The following LRP1B variants were observed in gnomAD, a reference collection of about 807,000 sequenced individuals.
The protein encoded by LRP1B is LDL receptor related protein 1B, also known as low-density lipoprotein receptor-related protein 1B.
In LRP1B, 217 loss-of-function variants were observed where a neutral mutation model predicts 556.6. That is an observed-to-expected ratio of 0.39 (90% CI 0.35 to 0.44). LRP1B has a LOEUF of 0.44. Among genes scored for constraint, LRP1B ranks in the 20% least tolerant of loss-of-function variants. LRP1B has a pLI of 1.00. For synonymous variants in LRP1B, 2,047 were observed against 1,865.8 expected (o/e 1.10, Z -2.50); for missense variants, 5,053 against 5,620.8 (o/e 0.90, Z 3.23).
rs1366404163 is a variant in LRP1B at position 140,444,662 on chromosome 2, G to A, written c.10075C>T (p.Pro3359Ser). The A allele has an allele frequency of 6.2e-7, 1 of 1,612,886 alleles. No homozygotes were observed. The highest frequency in any genetic ancestry group is 1.1e-5 in the South Asian group (1 of 91,034). ...PDDCPEFRCQ[P>S]GRFQCGTGLC... ...CCAGTCCCACACTGAAATCGGCCTGGCTGACATCTAAATTCAGCTAGGGGA... is the reference window on the plus strand; with the variant it reads ...CCAGTCCCACACTGAAATCGGCCTGACTGACATCTAAATTCAGCTAGGGGA... Residue 3359 changes from proline to serine, a missense_variant, in exon 64 of 91, where the codon CCA (proline) becomes TCA (serine). This residue lies in a region of LRP1B where 262 missense variants were observed against 395.1 expected (regional missense o/e 0.66). Transcript: ENST00000389484.
chr2:141,984,509 G>A (rs1029908201), intron 1 of LRP1B, among the ~76,000 whole-genome samples: 2 of 151,844 alleles, frequency 1.3e-5, no homozygotes, highest in Non-Finnish European at 2.9e-5. Flanking sequence ...AGGTATGATT[G>A]AGGAAAAAAG....
intron 41 of LRP1B, among the ~76,000 whole-genome samples, chr2:140,602,729 T>C (rs968021707): frequency 1.3e-5 from 1 of 74,096 alleles, no homozygotes; most frequent in Admixed American, 1.8e-4. Flanking sequence ...TTGAACAATG[T>C]TTTTTTTCAT....
intron 2 of LRP1B, among the ~76,000 whole-genome samples, chr2:141,619,856 A>T (rs767760842): frequency 6.6e-6 from 1 of 152,206 alleles, no homozygotes; most frequent in East Asian, 1.9e-4. Context: ...AACATGATCC[A>T]CCCACTCTAA....
chr2:140,426,192 A>G (rs1336583742), intron 66 of LRP1B, among the ~76,000 whole-genome samples: 1 of 152,154 alleles, frequency 6.6e-6, no homozygotes. Flanking sequence ...GTAGTTCTTC[A>G]ATTTCTCATT....
chr2:141,555,865 CT>C (rs1288632817), intron 2 of LRP1B, among the ~76,000 whole-genome samples: 1 of 151,834 alleles, frequency 6.6e-6, no homozygotes, highest in Non-Finnish European at 1.5e-5. Flanking sequence ...TTCAAAAGCA[CT>C]TTCTATACCA....
At chr2:141,199,246 T>C (rs1042229744) in intron 6 of LRP1B, among the ~76,000 whole-genome samples, 2 of 152,192 alleles carry the variant, frequency 1.3e-5, no homozygotes, top group Non-Finnish European at 2.9e-5. Context: ...CTCAGCTTAC[T>C]AGACTTTAGC....
chr2:140,655,663 C>A (rs767024193), intron 41 of LRP1B, among the ~76,000 whole-genome samples: 15 of 152,298 alleles, frequency 9.8e-5, no homozygotes, highest in Non-Finnish European at 2.2e-4. Flanking sequence ...AGAATAGGCG[C>A]CAGGCGCGGT....
chr2:141,558,852 T>A (rs1559140421), intron 2 of LRP1B, among the ~76,000 whole-genome samples: 1 of 151,760 alleles, frequency 6.6e-6, no homozygotes, highest in Non-Finnish European at 1.5e-5. Flanking sequence ...AGTTGTTATA[T>A]TTTAAAACAG....
At chr2:141,652,285 A>G (rs763287276) in intron 2 of LRP1B, among the ~76,000 whole-genome samples, 16 of 152,226 alleles carry the variant, frequency 1.1e-4, no homozygotes, top group Non-Finnish European at 2.1e-4. Flanking sequence ...AAAATATCCA[A>G]TTCAGAAGCT....
intron 3 of LRP1B, among the ~76,000 whole-genome samples, chr2:141,466,806 A>G (rs1382909834): frequency 1.3e-5 from 2 of 152,056 alleles, no homozygotes; most frequent in Non-Finnish European, 2.9e-5. Context: ...ATGTCTATCT[A>G]TAACCTTTTT....
intron 3 of LRP1B, among the ~76,000 whole-genome samples, chr2:141,273,106 C>T (rs1004842937): frequency 2.6e-5 from 4 of 152,048 alleles, no homozygotes; most frequent in South Asian, 4.1e-4. Context: ...GTCAGAAGTT[C>T]GAGACCAGCC....
At chr2:141,307,803 A>G (rs1182368579) in intron 3 of LRP1B, among the ~76,000 whole-genome samples, 1 of 152,096 alleles carries the variant, frequency 6.6e-6, no homozygotes, top group Non-Finnish European at 1.5e-5. Flanking sequence ...TTGGGCCTTC[A>G]GATAGGTTGT....
At chr2:141,657,645 C>CATAG (rs1690063196) in intron 2 of LRP1B, among the ~76,000 whole-genome samples, 1 of 152,082 alleles carries the variant, frequency 6.6e-6, no homozygotes, top group Non-Finnish European at 1.5e-5. Context: ...ATTTTAAAGA[C>CATAG]ATATCTGAGT....
intron 25 of LRP1B, among the ~76,000 whole-genome samples, chr2:140,869,701 A>T (rs1693065558): frequency 1.3e-5 from 2 of 152,104 alleles, no homozygotes; most frequent in Admixed American, 1.3e-4. Context: ...GGGTGTAAAA[A>T]ATGAGATAAA....
chr2:141,545,502 T>C (rs1321445498), intron 2 of LRP1B, among the ~76,000 whole-genome samples: 2 of 152,158 alleles, frequency 1.3e-5, no homozygotes, highest in Non-Finnish European at 2.9e-5. Context: ...GATGAAAAGA[T>C]AATTCTGGAT....
At chr2:141,717,147 C>A (rs1692633532) in intron 2 of LRP1B, among the ~76,000 whole-genome samples, 1 of 152,054 alleles carries the variant, frequency 6.6e-6, no homozygotes, top group Non-Finnish European at 1.5e-5. Context: ...ATCTCTTGCC[C>A]AGCACTAACC....
chr2:141,575,911 A>T (rs1263823718), intron 2 of LRP1B, among the ~76,000 whole-genome samples: 1 of 152,186 alleles, frequency 6.6e-6, no homozygotes, highest in East Asian at 1.9e-4. Context: ...ATCTCATGCC[A>T]GTCATAATGG....
chr2:141,694,944 C>T (rs780894760), intron 2 of LRP1B, among the ~76,000 whole-genome samples: 1 of 151,782 alleles, frequency 6.6e-6, no homozygotes, highest in Admixed American at 6.6e-5. Flanking sequence ...TTTTTTAATT[C>T]CCTATGTCTC....
chr2:140,926,120 C>T (rs1292399866), intron 20 of LRP1B, among the ~76,000 whole-genome samples: 3 of 145,948 alleles, frequency 2.1e-5, no homozygotes, highest in African/African-American at 7.7e-5. Flanking sequence ...GGCATAACAT[C>T]TACTAAGGGT....
Sources: gnomAD v4.1 joint callset for allele counts (sites outside exome capture counted in the v4.1 genomes callset) on GRCh38, gnomAD v4.1.1 for gene constraint, gnomAD v4.1.1 regional missense constraint, MANE v1.5 for transcripts, NCBI Gene and HGNC (gene_info 2026-07-23, HGNC 2026-07-21) for gene names.